ZNF407: variants seen among roughly 807,000 people sequenced by gnomAD.
ZNF407 encodes the protein zinc finger protein 407.
ZNF407 carries 17 observed loss-of-function variants against 131.2 expected under a neutral mutation model. That is an observed-to-expected ratio of 0.13 (90% CI 0.09 to 0.19). ZNF407 has a LOEUF of 0.19. Among genes scored for constraint, ZNF407 ranks in the 10% least tolerant of loss-of-function variants. The probability of loss-of-function intolerance (pLI) is 1.00; values close to 1 mark genes in which losing one functional copy is unlikely to be tolerated. For missense variants in ZNF407, 2,681 were observed against 2,830.6 expected (o/e 0.95, Z 1.20); for synonymous variants, 1,156 against 1,062.0 (o/e 1.09, Z -1.72).
At chr18:74,639,265 A>G (rs754525629) in intron 2 of ZNF407, among the ~76,000 whole-genome samples, 1 of 152,198 alleles carries the variant, frequency 6.6e-6, no homozygotes, top group African/African-American at 2.4e-5. Context: ...ACTCAAACCC[A>G]TGAGACCTTT....
chr18:74,659,303 A>G (rs1332205073), intron 3 of ZNF407, among the ~76,000 whole-genome samples: 2 of 152,178 alleles, frequency 1.3e-5, no homozygotes, highest in Non-Finnish European at 2.9e-5. Flanking sequence ...AGCTGGTTGA[A>G]CACCATGTAG....
chr18:74,738,221 A>T (rs1048144367), intron 3 of ZNF407, among the ~76,000 whole-genome samples: 1 of 151,898 alleles, frequency 6.6e-6, no homozygotes, highest in Non-Finnish European at 1.5e-5. Flanking sequence ...AGAGATTGAG[A>T]CCATCCTGGC....
At position 74,631,410 on chromosome 18, in the gene ZNF407, C is replaced by T. The variant is rs375286661; in HGVS notation, c.391C>T (p.Leu131Phe). The change falls in exon 2 of 9, where the codon CTC becomes TTC. Residue 131 changes from leucine to phenylalanine, a missense_variant. Around this residue, in one of 6 missense-constraint regions of ZNF407, gnomAD observed 1,789 missense variants for 1,748.7 expected, o/e 1.02. Transcript: ENST00000299687. ...TVGGTCLPNA[L>F]SPSCNFSTID... is the part of the protein sequence containing the mutation. ...TGGAGGCACATGTCTCCCAAATGCCCTCTCCCCTTCTTGCAATTTTAGCAC... is the reference window on the plus strand; with the variant it reads ...TGGAGGCACATGTCTCCCAAATGCCTTCTCCCCTTCTTGCAATTTTAGCAC... The T allele has an allele frequency of 1.1e-5, 18 of 1,613,756 alleles. No individual in the cohort carries two copies. In the East Asian group the frequency reaches 4.0e-4, roughly 36 times the overall value.
chr18:74,752,298 C>T (rs1301124451), intron 3 of ZNF407, among the ~76,000 whole-genome samples: 7 of 152,178 alleles, frequency 4.6e-5, no homozygotes, highest in East Asian at 3.9e-4. Flanking sequence ...GGGTAGGTTG[C>T]GAAAATTTTC....
chr18:74,623,135 T>A (rs2144643390), intron 1 of ZNF407, among the ~76,000 whole-genome samples: 1 of 124,782 alleles, frequency 8.0e-6, no homozygotes, highest in South Asian at 3.0e-4. Flanking sequence ...ACTGTGTGTG[T>A]GTCCGTGTGA....
At chr18:74,927,300 T>C (rs1971926968) in intron 8 of ZNF407, among the ~76,000 whole-genome samples, 2 of 152,366 alleles carry the variant, frequency 1.3e-5, no homozygotes, top group South Asian at 4.1e-4. Context: ...CACCCTGCTG[T>C]ACAGGAGCTT....
At chr18:74,792,928 A>T (rs1210154240) in intron 4 of ZNF407, among the ~76,000 whole-genome samples, 1 of 152,248 alleles carries the variant, frequency 6.6e-6, no homozygotes, top group African/African-American at 2.4e-5. Context: ...ACTTCATCAG[A>T]TTAAAGAAAA....
chr18:74,630,771 A>G (rs1451207160), intron 1 of ZNF407, among the ~76,000 whole-genome samples, 196 bp from the exon 2 acceptor site: 1 of 152,182 alleles, frequency 6.6e-6, no homozygotes, highest in Non-Finnish European at 1.5e-5. Context: ...TTCTGGAGTC[A>G]ACAATAGGGT....
At chr18:75,052,820 C>T (rs118073996) in intron 8 of ZNF407, among the ~76,000 whole-genome samples, 3 of 152,292 alleles carry the variant, frequency 2.0e-5, no homozygotes, top group East Asian at 3.9e-4. Flanking sequence ...CACGTGCACC[C>T]GGGTGGAAGG....
chr18:74,791,245 T>A (rs185250841), intron 4 of ZNF407, among the ~76,000 whole-genome samples: 2 of 152,322 alleles, frequency 1.3e-5, no homozygotes, highest in East Asian at 3.9e-4. Flanking sequence ...TCAGGTTGAA[T>A]CATATGAACT....
intron 8 of ZNF407, among the ~76,000 whole-genome samples, chr18:74,971,029 T>C (rs1271722270): frequency 6.6e-6 from 1 of 152,218 alleles, no homozygotes. Flanking sequence ...CTGCCAAGGC[T>C]TGGGGTTTTC....
At chr18:74,926,781 G>C in intron 8 of ZNF407, among the ~76,000 whole-genome samples, 1 of 152,174 alleles carries the variant, frequency 6.6e-6, no homozygotes, top group African/African-American at 2.4e-5. Context: ...CTGCCTGGGC[G>C]ACAAGAGTGA....
chr18:74,852,900 C>A (rs1220639506), intron 4 of ZNF407, among the ~76,000 whole-genome samples: 1 of 152,088 alleles, frequency 6.6e-6, no homozygotes, highest in Non-Finnish European at 1.5e-5. Context: ...TTTTCTAAAT[C>A]TTGTATTATG....
chr18:74,927,974 A>T (rs1393576551), intron 8 of ZNF407, among the ~76,000 whole-genome samples: 1 of 152,128 alleles, frequency 6.6e-6, no homozygotes, highest in Admixed American at 6.5e-5. Context: ...TATTATTTGT[A>T]TGTTACCTAT....
chr18:74,782,957 A>G (rs1969635571), intron 4 of ZNF407, among the ~76,000 whole-genome samples: 1 of 152,214 alleles, frequency 6.6e-6, no homozygotes, highest in Non-Finnish European at 1.5e-5. Context: ...GCAAAAATAC[A>G]TGCATTGAAT....
At chr18:74,956,302 G>A (rs891948834) in intron 8 of ZNF407, among the ~76,000 whole-genome samples, 30 of 151,792 alleles carry the variant, frequency 2.0e-4, no homozygotes, top group African/African-American at 7.0e-4. Flanking sequence ...TGCTGGCCTC[G>A]GTGTGGCCCA....
chr18:74,687,010 G>A (rs949366963), intron 3 of ZNF407, among the ~76,000 whole-genome samples: 6 of 152,130 alleles, frequency 3.9e-5, no homozygotes, highest in African/African-American at 1.2e-4. Flanking sequence ...TGGTTCTCAT[G>A]GAATTTACAA....
intron 1 of ZNF407, among the ~76,000 whole-genome samples, chr18:74,621,767 G>A (rs1983521192): frequency 6.6e-6 from 1 of 152,144 alleles, no homozygotes; most frequent in African/African-American, 2.4e-5. Flanking sequence ...TCCTTTAAAG[G>A]GAATGTCAAA....
rs1307296472 is a variant in ZNF407, at chr18:74,839,685, C to A, written c.4878-37512C>A. Among the ~76,000 whole-genome samples the A allele has an allele frequency of 2.0e-5, 3 of 152,094 alleles. No individual in the cohort carries two copies. The East Asian group carries it at 5.8e-4, about 29-fold the overall frequency. On this transcript the variant is annotated intron_variant, in intron 4 of 8. Coordinates refer to ENST00000299687, the MANE Select transcript of ZNF407 (RefSeq NM_017757.3). Reference sequence around the variant, plus strand: ...ACAAGAATCCATTGAAAATGCATTGCCAGTTGCTAAGCAGTGTGGATACCC... The same window carrying A: ...ACAAGAATCCATTGAAAATGCATTGACAGTTGCTAAGCAGTGTGGATACCC...
Sources: allele counts gnomAD v4.1 joint callset (sites outside exome capture counted in the v4.1 genomes callset), GRCh38; gene constraint gnomAD v4.1.1; regional missense constraint gnomAD v4.1.1; transcripts MANE v1.5; gene names NCBI Gene and HGNC (gene_info 2026-07-23, HGNC 2026-07-21).